The following AP3S1 variants were observed in gnomAD, a reference collection of about 807,000 sequenced individuals.
The protein encoded by AP3S1 is AP-3 complex subunit sigma-1.
In AP3S1, 12 loss-of-function variants were observed where a neutral mutation model predicts 21.3. The observed-to-expected ratio is 0.56, with a 90% confidence interval of 0.36 to 0.91. The LOEUF is 0.91. AP3S1 is among the 40% of genes least tolerant of loss of function. The pLI, the probability that AP3S1 is intolerant of heterozygous loss-of-function variation, is 0.01. For synonymous variants in AP3S1, 48 were observed against 78.4 expected (o/e 0.61, Z 2.05); for missense variants, 116 against 225.0 (o/e 0.52, Z 3.10).
intron 1 of AP3S1, among the ~76,000 whole-genome samples, chr5:115,848,374 G>T (rs929629165): frequency 2.0e-5 from 3 of 152,156 alleles, no homozygotes; most frequent in Non-Finnish European, 4.4e-5. Context: ...TGAAGCTGAT[G>T]ATGGATTTAT....
rs190317506 is a variant in AP3S1, at chr5:115,843,527, A to G, written c.69+1421A>G. On this transcript the variant is annotated intron_variant, in intron 1 of 5. Transcript: ENST00000316788. Reference sequence around the variant, plus strand: ...TTTAATCCAGATTAAATTCTAGTTGATCCTCCCGAATGGGAAAAAATGCCA... The same window carrying G: ...TTTAATCCAGATTAAATTCTAGTTGGTCCTCCCGAATGGGAAAAAATGCCA... Among the ~76,000 whole-genome samples, 1,418 of 152,308 alleles carry G rather than the reference A, an allele frequency of 9.3e-3. 11 individuals are homozygous for G. The highest frequency in any genetic ancestry group is 0.017 in the Middle Eastern group (5 of 294).
intron 3 of AP3S1, among the ~76,000 whole-genome samples, chr5:115,892,650 A>T (rs1232588543): frequency 6.6e-6 from 1 of 152,148 alleles, no homozygotes; most frequent in African/African-American, 2.4e-5. Flanking sequence ...TAGTTGCTAG[A>T]GACTTGGAAG....
At chr5:115,871,120 A>G (rs1329288496) in intron 3 of AP3S1, among the ~76,000 whole-genome samples, 2 of 152,196 alleles carry the variant, frequency 1.3e-5, no homozygotes, top group Non-Finnish European at 2.9e-5. Context: ...CCAAGAGTGT[A>G]AGGAAACCTA....
At chr5:115,897,486 A>G (rs769931460) in intron 4 of AP3S1, among the ~76,000 whole-genome samples, 4 of 152,114 alleles carry the variant, frequency 2.6e-5, no homozygotes, top group Non-Finnish European at 5.9e-5. Context: ...AAATATAGAT[A>G]TATTTTTTTA....
At chr5:115,884,085 A>T (rs1307301833) in intron 3 of AP3S1, among the ~76,000 whole-genome samples, 1 of 152,204 alleles carries the variant, frequency 6.6e-6, no homozygotes, top group Non-Finnish European at 1.5e-5. Context: ...AACCATGTTT[A>T]TCACTTTGCA....
At chr5:115,842,256 G>A in intron 1 of AP3S1, 150 bp downstream of exon 1, 1 of 1,269,638 alleles carries the variant, frequency 7.9e-7, no homozygotes, top group Non-Finnish European at 1.0e-6. Context: ...TCAGCCTCCT[G>A]GTGGGTGTGG....
chr5:115,869,813 C>G (rs1243088326), intron 2 of AP3S1, among the ~76,000 whole-genome samples: 3 of 152,200 alleles, frequency 2.0e-5, no homozygotes, highest in Non-Finnish European at 4.4e-5. Context: ...TGAAATTAAG[C>G]ACTGGCTTCT....
intron 3 of AP3S1, 133 bp from the exon 4 acceptor site, chr5:115,894,954 A>T: frequency 1.7e-6 from 1 of 577,124 alleles, no homozygotes; most frequent in South Asian, 2.6e-5. Context: ...TTTTGCATTA[A>T]TACAATTTTT....
chr5:115,879,531 C>T (rs1749078164), intron 3 of AP3S1, among the ~76,000 whole-genome samples: 1 of 152,170 alleles, frequency 6.6e-6, no homozygotes, highest in South Asian at 2.1e-4. Context: ...ACCAGCCTTG[C>T]ATCCCAGGGA....
chr5:115,845,227 C>A (rs1761968657), intron 1 of AP3S1, among the ~76,000 whole-genome samples: 2 of 152,142 alleles, frequency 1.3e-5, no homozygotes, highest in South Asian at 4.1e-4. Flanking sequence ...GCTAACAATT[C>A]CATATACTGG....
intron 3 of AP3S1, among the ~76,000 whole-genome samples, chr5:115,873,427 T>A (rs536480463): frequency 9.8e-5 from 15 of 152,286 alleles, no homozygotes; most frequent in South Asian, 6.2e-4. Flanking sequence ...TAAAGTAGGC[T>A]AGAGCTGTTT....
At chr5:115,895,848 T>A (rs1215825724) in intron 4 of AP3S1, among the ~76,000 whole-genome samples, 1 of 152,116 alleles carries the variant, frequency 6.6e-6, no homozygotes, top group Non-Finnish European at 1.5e-5. Flanking sequence ...GGAAAAACGC[T>A]AAGATTAGGT....
intron 3 of AP3S1, among the ~76,000 whole-genome samples, chr5:115,880,726 C>T (rs998244584): frequency 2.6e-5 from 4 of 152,080 alleles, no homozygotes; most frequent in African/African-American, 4.8e-5. Context: ...CCACTTGGTC[C>T]ACAGCTGAGT....
intron 1 of AP3S1, among the ~76,000 whole-genome samples, chr5:115,858,293 C>T (rs1286692870): frequency 6.6e-6 from 1 of 152,192 alleles, no homozygotes; most frequent in African/African-American, 2.4e-5. Context: ...ACATTGACTG[C>T]ATATAAAATT....
In AP3S1 at chr5:115,842,088, C is replaced by T. The variant is rs1359348069; in HGVS notation, c.51C>T (p.Ser17=). The change falls in exon 1 of 6, where the codon TCC becomes TCT. Residue 17 remains serine, a synonymous_variant. Transcript: ENST00000316788. The stretch of plus-strand genomic sequence containing the variant: ...ACAACCACGGGAAGCCGCGGCTCTC[C>T]AAGTTCTACCAGCCCTACGTGAGTA... ...IFNNHGKPRL[S]KFYQPYSEDT... 3.2e-6 allele frequency: 5 copies of T among 1,578,868 alleles called. No homozygotes were observed. The highest frequency in any genetic ancestry group is 3.6e-5 in the Admixed American group (2 of 55,232).
chr5:115,854,352 A>AT (rs1043082845), intron 1 of AP3S1, among the ~76,000 whole-genome samples: 4 of 152,300 alleles, frequency 2.6e-5, no homozygotes, highest in African/African-American at 9.6e-5. Flanking sequence ...CATGCTAAGC[A>AT]TTTTTTATAC....
rs1282336870 is a variant in AP3S1, at chr5:115,877,186, A to G, written c.273+7058A>G. 2.0e-5 allele frequency among the ~76,000 whole-genome samples: 3 copies of G among 151,854 alleles called. No homozygotes were observed. In the East Asian group the frequency reaches 5.8e-4, roughly 29 times the overall value. On this transcript the variant is annotated intron_variant, in intron 3 of 5. Transcript: ENST00000316788. Reference sequence around the variant, plus strand: ...CTCCTGTGAGGAAAAGCTTTGTAATATATATATATTTTTATTGTACTTTAA... The same window carrying G: ...CTCCTGTGAGGAAAAGCTTTGTAATGTATATATATTTTTATTGTACTTTAA...
chr5:115,898,146 G>A lies in AP3S1; in HGVS notation c.345+2988G>A, dbSNP rs139437789. On this transcript the variant is annotated intron_variant, in intron 4 of 5. Transcript: ENST00000316788. ...GCTGCCACTATCCAGAACATTGTTA[G>A]TTTCTATGTCAGAGAGAAAAAAAGT... Among the ~76,000 whole-genome samples the A allele has an allele frequency of 5.1e-3, 779 of 152,250 alleles. 2 individuals are homozygous for A. Among genetic ancestry groups the A allele is most frequent in the South Asian group, 7.2e-3 (35 of 4,830 alleles).
At chr5:115,868,930 GAGGGAGGGAAGGAAGGAAGGA>G (rs1747952432) in intron 2 of AP3S1, among the ~76,000 whole-genome samples, 1 of 96,478 alleles carries the variant, frequency 1.0e-5, no homozygotes, top group Admixed American at 1.1e-4. Context: ...TGAAGGGAGG[GAGGGAGGGAAGGAAGGAAGGA>G]AGGGAGGGAG....
Sources: gnomAD v4.1 joint callset for allele counts (sites outside exome capture counted in the v4.1 genomes callset) on GRCh38, gnomAD v4.1.1 for gene constraint, MANE v1.5 for transcripts, NCBI Gene and HGNC (gene_info 2026-07-23, HGNC 2026-07-21) for gene names.